CCDC7: variants seen among roughly 807,000 people sequenced by gnomAD.
The protein encoded by CCDC7 is coiled-coil domain-containing protein 7.
A neutral mutation model predicts 196.9 loss-of-function variants in CCDC7; 183 were observed. The ratio of observed to expected loss-of-function variants is 0.93; its 90% CI spans 0.82 to 1.05. The LOEUF is 1.05. Ranked by LOEUF, CCDC7 falls within the 50% of genes least tolerant of loss-of-function variation. CCDC7 has a pLI of 0.00. For missense variants in CCDC7, 1,540 were observed against 1,482.2 expected, an observed-to-expected ratio of 1.04 and a Z score of -0.64; for synonymous variants, 525 against 484.6, an observed-to-expected ratio of 1.08 and a Z score of -1.10.
At chr10:32,633,515 T>C (rs549570331) in intron 18 of CCDC7, among the ~76,000 whole-genome samples, 1 of 152,210 alleles carries the variant, frequency 6.6e-6, no homozygotes, top group Non-Finnish European at 1.5e-5. Flanking sequence ...TTTACTAAAA[T>C]ATTTTGTGAC....
intron 28 of CCDC7, among the ~76,000 whole-genome samples, chr10:32,753,618 C>A (rs1011209565): frequency 1.3e-5 from 2 of 152,114 alleles, no homozygotes; most frequent in Non-Finnish European, 2.9e-5. Context: ...TTAGAAGAAT[C>A]TGACTATATT....
chr10:32,809,621 GA>G (rs1254544876), intron 30 of CCDC7, among the ~76,000 whole-genome samples: 3 of 152,086 alleles, frequency 2.0e-5, no homozygotes, highest in African/African-American at 7.2e-5. Context: ...ACAGACACAA[GA>G]AAAAATGCTC....
chr10:32,869,026 C>T (rs989382865), intron 41 of CCDC7, among the ~76,000 whole-genome samples: 17 of 152,120 alleles, frequency 1.1e-4, no homozygotes, highest in Non-Finnish European at 2.4e-4. Context: ...CCACAATAAA[C>T]ATACGCGTGC....
intron 21 of CCDC7, among the ~76,000 whole-genome samples, chr10:32,671,274 A>G (rs976324176): frequency 6.6e-6 from 1 of 152,146 alleles, no homozygotes; most frequent in Non-Finnish European, 1.5e-5. Context: ...TTTATACCAT[A>G]TTTGTGCTAT....
intron 24 of CCDC7, among the ~76,000 whole-genome samples, chr10:32,702,447 G>A (rs1323945975): frequency 6.6e-6 from 1 of 152,138 alleles, no homozygotes; most frequent in Non-Finnish European, 1.5e-5. Flanking sequence ...CAACTATGTG[G>A]TCAATTTTCG....
intron 28 of CCDC7, among the ~76,000 whole-genome samples, chr10:32,751,940 A>G (rs536914327): frequency 1.8e-4 from 28 of 152,120 alleles, no homozygotes; most frequent in Non-Finnish European, 3.8e-4. Flanking sequence ...TAAATGCCTA[A>G]CTCACTGAAG....
chr10:32,823,959 C>A (rs7910732), intron 31 of CCDC7, among the ~76,000 whole-genome samples: 58,145 of 151,868 alleles, frequency 0.38, 13,821 homozygotes, highest in Non-Finnish European at 0.54. Flanking sequence ...ATCACTGATG[C>A]CTATTTGAAT....
At position 32,848,648 on chromosome 10, in the gene CCDC7, C is replaced by A. The variant is rs557982096; in HGVS notation, c.3825C>A (p.Ile1275=). The A allele has an allele frequency of 3.5e-5, 54 of 1,530,752 alleles. No homozygotes were observed. The South Asian group carries it at 3.6e-4, about 10-fold the overall frequency. The allele number at this position is 1,530,752 out of a possible 1,614,324, so 94.8% of individuals were successfully genotyped here. A position where few individuals can be genotyped will look rare whatever the true frequency, so the allele number is the denominator to read the frequency against. ...TGTCCGTACAACGTCAAGAAGGTAT[C>A]TTTACTAGGAGCATTACACCAAGTA... The change falls in exon 39 of 42, where the codon ATC becomes ATA. Residue 1275 remains isoleucine (I), a synonymous_variant. Coordinates refer to ENST00000639629, the Ensembl canonical transcript of CCDC7.
chr10:32,513,786 C>G (rs1003326342), intron 9 of CCDC7: 2 of 152,076 alleles, frequency 1.3e-5, no homozygotes, highest in African/African-American at 4.8e-5. Context: ...ATGCACTTGA[C>G]AAAATTCAAC....
In CCDC7 at chr10:32,711,724, C is replaced by T. The variant is rs372886513; in HGVS notation, c.2563C>T (p.Arg855Cys). The T allele has an allele frequency of 7.1e-5, 110 of 1,544,618 alleles. No individual in the cohort carries two copies. The highest frequency in any genetic ancestry group is 5.1e-4 in the East Asian group (22 of 43,078). ...TCAAGAAACTTCTGAAGGAGAAGGACGTAGCAGTAAGTATAATGATGATAG... is the reference window on the plus strand; with the variant it reads ...TCAAGAAACTTCTGAAGGAGAAGGATGTAGCAGTAAGTATAATGATGATAG... Residue 855 changes from arginine to cysteine, a missense_variant, in exon 25 of 42, where the codon CGT (arginine) becomes TGT (cysteine). Coordinates refer to ENST00000639629, the Ensembl canonical transcript of CCDC7.
chr10:32,571,908 A>T lies in CCDC7; in HGVS notation c.1454+15A>T. 6.4e-7 allele frequency: 1 copy of T among 1,567,768 alleles called. No individual in the cohort carries two copies. Among genetic ancestry groups the T allele is most frequent in the Non-Finnish European group, 8.6e-7 (1 of 1,160,290 alleles). On this transcript the variant is annotated intron_variant, in intron 16 of 41. Coordinates refer to ENST00000639629, the Ensembl canonical transcript of CCDC7. ...ATTGAAAAGAGGTAAAACACTTTTT[A>T]AAAATTTGTTCCCTCATTTTCTAAT...
At chr10:32,874,082 C>T (rs113914768) in intron 41 of CCDC7, among the ~76,000 whole-genome samples, 8,044 of 150,768 alleles carry the variant, frequency 0.053, 433 homozygotes, top group African/African-American at 0.14. Flanking sequence ...TTTTGTATAA[C>T]ATAAAGAGAA....
rs185501031 is a variant in CCDC7 at position 32,568,226 on chromosome 10, T to G, written c.1419+335T>G. Among the ~76,000 whole-genome samples, 1,274 of 152,008 alleles carry G rather than the reference T, an allele frequency of 8.4e-3. 28 individuals carry two copies. Among genetic ancestry groups the G allele is most frequent in the African/African-American group, 0.028 (1,173 of 41,478 alleles). On this transcript the variant is annotated intron_variant, in intron 15 of 41. Coordinates refer to ENST00000639629, the Ensembl canonical transcript of CCDC7. ...TTCACTGTGTTGGCCAGGATGGTCTTGATCTCCTGACCTCGTGATCTGCCT... is the reference window on the plus strand; with the variant it reads ...TTCACTGTGTTGGCCAGGATGGTCTGGATCTCCTGACCTCGTGATCTGCCT...
intron 13 of CCDC7, among the ~76,000 whole-genome samples, chr10:32,546,184 T>C (rs2052434140): frequency 6.6e-6 from 1 of 152,216 alleles, no homozygotes; most frequent in South Asian, 2.1e-4. Context: ...TGTAAGGGAA[T>C]CTTTGCTCTA....
rs542204781 is a variant in CCDC7 at position 32,636,927 on chromosome 10, G to A, written c.2014+1769G>A. ...CTTTTTAATGATCGCCATTCTAACT[G>A]GTGTGAGATGGTATCTCACTGTGGT... On this transcript the variant is annotated intron_variant, in intron 20 of 41. Coordinates refer to ENST00000639629, the Ensembl canonical transcript of CCDC7. 1.6e-4 allele frequency among the ~76,000 whole-genome samples: 24 copies of A among 152,244 alleles called. No individual in the cohort carries two copies. The South Asian group carries it at 3.7e-3, about 24-fold the overall frequency.
At chr10:32,510,566 A>G (rs1024069774) in intron 9 of CCDC7, among the ~76,000 whole-genome samples, 2 of 152,140 alleles carry the variant, frequency 1.3e-5, no homozygotes, top group African/African-American at 2.4e-5. Flanking sequence ...GGGTATATTC[A>G]TATCCCCAAT....
intron 13 of CCDC7, 196 bp downstream of exon 14, chr10:32,544,497 T>A (rs1177798500): frequency 5.1e-6 from 2 of 395,362 alleles, no homozygotes; most frequent in Non-Finnish European, 8.7e-6. Flanking sequence ...TCATCAAAGT[T>A]CAGAGAATGA....
In CCDC7 at chr10:32,857,359, G is replaced by T. The variant is rs538673735; in HGVS notation, c.4111+2870G>T. Reference sequence around the variant, plus strand: ...TCTAGTGCATATGGAACATTCTTAAGGATAGACCATATATTAGGCCATAAA... The same window carrying T: ...TCTAGTGCATATGGAACATTCTTAATGATAGACCATATATTAGGCCATAAA... On this transcript the variant is annotated intron_variant, in intron 41 of 41. Transcript: ENST00000639629. Among the ~76,000 whole-genome samples the T allele has an allele frequency of 1.7e-4, 26 of 152,120 alleles. No individual in the cohort carries two copies. The East Asian group carries it at 5.0e-3, about 29-fold the overall frequency.
intron 18 of CCDC7, among the ~76,000 whole-genome samples, chr10:32,604,697 A>G (rs542348935): frequency 3.3e-5 from 5 of 151,772 alleles, no homozygotes; most frequent in Admixed American, 1.3e-4. Flanking sequence ...TTTAAATGGG[A>G]TTGCTTTCTT....
Sources: gnomAD v4.1 joint callset for allele counts (sites outside exome capture counted in the v4.1 genomes callset) on GRCh38, gnomAD v4.1.1 for gene constraint, MANE v1.5 for transcripts, NCBI Gene and HGNC (gene_info 2026-07-23, HGNC 2026-07-21) for gene names.